The following SV2B variants were observed in gnomAD, a reference collection of about 807,000 sequenced individuals.
SV2B encodes solute carrier family 22 member B2.
In SV2B, 41 loss-of-function variants were observed where a neutral mutation model predicts 73.9. The observed-to-expected ratio is 0.56, with a 90% CI of 0.43 to 0.72. The LOEUF is 0.72. Among genes scored for constraint, SV2B ranks in the 30% least tolerant of loss-of-function variants. The pLI is 0.00. For missense variants in SV2B, 764 were observed against 857.8 expected (o/e 0.89, Z 1.37); for synonymous variants, 314 against 314.2 (o/e 1.00, Z 0.01).
In SV2B at chr15:91,301,830, T is replaced by G. The variant is rs2049453336; in HGVS notation, c.*9278T>G. On this transcript the variant is annotated 3_prime_UTR_variant, in exon 13 of 13. Transcript: ENST00000394232. The surrounding 1 kb of genome is among the most constrained non-coding windows in gnomAD (Gnocchi z 4.3). ...TAAAATACTCCAGTGAGCTTTTCCT[T>G]GGAGTACACGTTGGCGCTCAAAAAG... Among the ~76,000 whole-genome samples the G allele has an allele frequency of 6.6e-6, 1 of 152,246 alleles. No homozygotes were observed. Among genetic ancestry groups the G allele is most frequent in the Non-Finnish European group, 1.5e-5 (1 of 68,034 alleles).
intron 5 of SV2B, among the ~76,000 whole-genome samples, 187 bp from the exon 6 acceptor site, chr15:91,260,133 G>A (rs1164873794): frequency 6.6e-6 from 1 of 152,166 alleles, no homozygotes; most frequent in African/African-American, 2.4e-5. Flanking sequence ...AAGAATGGCT[G>A]GGGATGGAAG....
chr15:91,275,913 T>C (rs2048470186), intron 9 of SV2B, among the ~76,000 whole-genome samples: 1 of 152,220 alleles, frequency 6.6e-6, no homozygotes, highest in Non-Finnish European at 1.5e-5. Flanking sequence ...ATAGGTATTA[T>C]ATTTCTTATG....
chr15:91,292,308 C>A, intron 12 of SV2B, 61 bp from the exon 13 acceptor site: 1 of 1,539,432 alleles, frequency 6.5e-7, no homozygotes, highest in South Asian at 1.2e-5. Context: ...AAGAAAGAGC[C>A]CAGTCCTGTT....
At chr15:91,218,149 C>CA (rs1198596153) in intron 1 of SV2B, among the ~76,000 whole-genome samples, 1 of 151,962 alleles carries the variant, frequency 6.6e-6, no homozygotes, top group South Asian at 2.1e-4. Context: ...GAAGACTCTC[C>CA]AAAAAAACAG....
chr15:91,135,707 T>C (rs2042801243), intron 1 of SV2B, among the ~76,000 whole-genome samples: 1 of 152,220 alleles, frequency 6.6e-6, no homozygotes, highest in African/African-American at 2.4e-5. Flanking sequence ...GAGCCGTTAC[T>C]GTGTTTCTGA....
chr15:91,154,319 G>T (rs776492354), intron 1 of SV2B, among the ~76,000 whole-genome samples: 11 of 151,998 alleles, frequency 7.2e-5, no homozygotes, highest in Non-Finnish European at 1.6e-4. Context: ...ACTATGTGCC[G>T]GATGCAGTGC....
chr15:91,289,494 C>G lies in SV2B; in HGVS notation c.1709-27C>G, dbSNP rs1315632798. On this transcript the variant is annotated intron_variant, in intron 11 of 12. Coordinates refer to ENST00000394232, the MANE Select transcript of SV2B (RefSeq NM_001323032.3). This position sits in a 1 kb window ranked among gnomAD's most constrained non-coding sequence, Gnocchi z 4.9. ...TGTGCAAGACACAGGCCTCATGTTT[C>G]TTTTTGCCCTTGAACTCCCTCTGCA... 1 of 1,613,922 alleles carries G rather than the reference C, an allele frequency of 6.2e-7. No individual in the cohort carries two copies. The highest frequency in any genetic ancestry group is 8.5e-7 in the Non-Finnish European group (1 of 1,179,980).
intron 1 of SV2B, among the ~76,000 whole-genome samples, chr15:91,173,416 C>T (rs1271486889): frequency 6.6e-6 from 1 of 152,162 alleles, no homozygotes; most frequent in Non-Finnish European, 1.5e-5. Flanking sequence ...CTGATCTTAC[C>T]AGGTTGTTTA....
intron 1 of SV2B, among the ~76,000 whole-genome samples, chr15:91,216,807 C>T (rs1054513639): frequency 2.6e-5 from 4 of 150,976 alleles, no homozygotes; most frequent in African/African-American, 9.8e-5. Context: ...AGCATTAAAC[C>T]AGTTCATCTA....
In SV2B at chr15:91,226,492, C is replaced by G; in HGVS notation, c.229C>G (p.Gln77Glu). The G allele has an allele frequency of 6.2e-7, 1 of 1,614,202 alleles. No individual in the cohort carries two copies. Among genetic ancestry groups the G allele is most frequent in the Non-Finnish European group, 8.5e-7 (1 of 1,180,026 alleles). Residue 77 changes from glutamine (Q) to glutamate (E), a missense_variant, in exon 2 of 13, where the codon CAG becomes GAG. Gln to Glu is a conservative substitution (Grantham distance 29). Coordinates refer to ENST00000394232, the MANE Select transcript of SV2B (RefSeq NM_001323032.3). ...CTCCAGAATGGACAGCCTTCGGGGC[C>G]AGACAGACCTGATGGCTGAGAGGCT... is the stretch of plus-strand genomic sequence containing the variant. ...APSRMDSLRG[Q>E]TDLMAERLED...
chr15:91,188,920 A>G (rs2044887825), intron 1 of SV2B, among the ~76,000 whole-genome samples: 1 of 151,814 alleles, frequency 6.6e-6, no homozygotes, highest in Non-Finnish European at 1.5e-5. Context: ...TCCGCCTCCC[A>G]GGTTCAGGTG....
rs1246828905 is a variant in SV2B at position 91,141,933 on chromosome 15, C to T, written c.-392+41570C>T. On this transcript the variant is annotated intron_variant, in intron 1 of 12. Coordinates refer to ENST00000394232, the MANE Select transcript of SV2B (RefSeq NM_001323032.3). This position sits in a 1 kb window ranked among gnomAD's most constrained non-coding sequence, Gnocchi z 4.6. ...ACAGTGGATCCTCAGAGCAAGGATC[C>T]TCAGAGCTCCTGAGCAGAGGAATGG... Among the ~76,000 whole-genome samples, 1 of 152,096 alleles carries T rather than the reference C, an allele frequency of 6.6e-6. No individual in the cohort carries two copies. Among genetic ancestry groups the T allele is most frequent in the Non-Finnish European group, 1.5e-5 (1 of 68,014 alleles).
intron 1 of SV2B, among the ~76,000 whole-genome samples, chr15:91,198,318 C>T (rs760526907): frequency 1.3e-5 from 2 of 152,142 alleles, no homozygotes; most frequent in African/African-American, 4.8e-5. Flanking sequence ...AATATACTAA[C>T]ATTTTAAAAG....
intron 1 of SV2B, among the ~76,000 whole-genome samples, chr15:91,160,571 G>T (rs759801804): frequency 7.9e-5 from 12 of 152,170 alleles, no homozygotes; most frequent in Non-Finnish European, 1.2e-4. Context: ...TCATGCCACT[G>T]CACTCCAGCC....
At chr15:91,173,753 AAT>A (rs2141287567) in intron 1 of SV2B, among the ~76,000 whole-genome samples, 1 of 152,354 alleles carries the variant, frequency 6.6e-6, no homozygotes, top group Admixed American at 6.5e-5. Context: ...AGAATAGGTG[AAT>A]ATTTCAACAT....
chr15:91,191,706 C>T (rs1394466596), intron 1 of SV2B, among the ~76,000 whole-genome samples: 3 of 152,148 alleles, frequency 2.0e-5, no homozygotes, highest in Non-Finnish European at 4.4e-5. Context: ...TCCTGCATAA[C>T]CTCTCCATGT....
At chr15:91,275,216 C>T (rs1005762439) in intron 9 of SV2B, among the ~76,000 whole-genome samples, 5 of 151,764 alleles carry the variant, frequency 3.3e-5, no homozygotes, top group Non-Finnish European at 5.9e-5. Context: ...TTCTTTTCTC[C>T]CACCCTCTTT....
intron 2 of SV2B, among the ~76,000 whole-genome samples, chr15:91,251,237 C>T (rs188995007): frequency 6.6e-6 from 1 of 152,196 alleles, no homozygotes; most frequent in Non-Finnish European, 1.5e-5. Flanking sequence ...GTTGAGAAAA[C>T]TGGATATTAC....
At position 91,100,427 on chromosome 15, in the gene SV2B, C is replaced by G. The variant is rs1350813012; in HGVS notation, c.-392+64C>G. The G allele has an allele frequency of 6.6e-6, 1 of 152,352 alleles. No individual in the cohort carries two copies. The highest frequency in any genetic ancestry group is 1.5e-5 in the Non-Finnish European group (1 of 68,120). 9.4% of individuals were successfully genotyped at this position (152,352 alleles called of 1,614,324 possible). On this transcript the variant is annotated intron_variant, in intron 1 of 12. Coordinates refer to ENST00000394232, the MANE Select transcript of SV2B (RefSeq NM_001323032.3). The surrounding 1 kb of genome is among the most constrained non-coding windows in gnomAD (Gnocchi z 6.4). ...AGCCGGGGCGCGGACCCCGCGTGCG[C>G]CAGGGCTCCCAGACTCGCCTGCCTG...
Sources: allele counts gnomAD v4.1 joint callset (sites outside exome capture counted in the v4.1 genomes callset), GRCh38; gene constraint gnomAD v4.1.1; non-coding constraint Gnocchi (gnomAD v3.1); transcripts MANE v1.5; gene names NCBI Gene and HGNC (gene_info 2026-07-23, HGNC 2026-07-21).